The following PCED1B variants were observed in gnomAD, a reference collection of about 807,000 sequenced individuals.
PCED1B encodes PC-esterase domain-containing protein 1B.
For synonymous variants in PCED1B, 251 were observed against 246.1 expected (o/e 1.02, Z -0.19); for missense variants, 573 against 573.9 (o/e 1.00, Z 0.02).
At chr12:47,129,102 C>T (rs1940012721) in intron 2 of PCED1B, among the ~76,000 whole-genome samples, 1 of 152,156 alleles carries the variant, frequency 6.6e-6, no homozygotes, top group Non-Finnish European at 1.5e-5. Flanking sequence ...ATTCTCTTTG[C>T]CTACCAGCCT....
chr12:47,143,672 C>T (rs1048077962), intron 2 of PCED1B, among the ~76,000 whole-genome samples: 2 of 152,250 alleles, frequency 1.3e-5, no homozygotes, highest in East Asian at 1.9e-4. Flanking sequence ...AAGCTACAAG[C>T]TCAGTGTAAT....
intron 2 of PCED1B, among the ~76,000 whole-genome samples, chr12:47,116,397 A>G (rs1939421624): frequency 6.6e-6 from 1 of 152,214 alleles, no homozygotes; most frequent in South Asian, 2.1e-4. Context: ...GAAAGGTGAC[A>G]TTTTTATTAT....
chr12:47,130,181 T>G (rs1027229978), intron 2 of PCED1B, among the ~76,000 whole-genome samples: 3 of 152,218 alleles, frequency 2.0e-5, no homozygotes, highest in African/African-American at 7.2e-5. Context: ...GTGGTAAGGC[T>G]TTATTTTAAA....
At chr12:47,093,885 A>G (rs967220142) in intron 1 of PCED1B, among the ~76,000 whole-genome samples, 39 of 152,208 alleles carry the variant, frequency 2.6e-4, no homozygotes, top group African/African-American at 8.7e-4. Context: ...GTATACTTGA[A>G]GTGAATATGA....
At chr12:47,139,731 T>A (rs897923977) in intron 2 of PCED1B, among the ~76,000 whole-genome samples, 4 of 152,124 alleles carry the variant, frequency 2.6e-5, no homozygotes, top group African/African-American at 9.7e-5. Context: ...ATATGTGTGC[T>A]GTATGGTATT....
At chr12:47,160,233 G>A (rs1041266753) in intron 2 of PCED1B, among the ~76,000 whole-genome samples, 1 of 133,380 alleles carries the variant, frequency 7.5e-6, no homozygotes, top group African/African-American at 2.8e-5. Flanking sequence ...AGTCCAATTT[G>A]TTTATTTTGT....
chr12:47,088,821 T>C (rs1275946733), intron 1 of PCED1B, among the ~76,000 whole-genome samples: 2 of 152,212 alleles, frequency 1.3e-5, no homozygotes, highest in African/African-American at 2.4e-5. Flanking sequence ...AACATGACGA[T>C]TGTTCATATT....
chr12:47,215,731 G>A (rs546321505), intron 2 of PCED1B, among the ~76,000 whole-genome samples: 1 of 152,214 alleles, frequency 6.6e-6, no homozygotes, highest in South Asian at 2.1e-4. Flanking sequence ...CCATCAAGAC[G>A]TCAGTGGAGA....
At chr12:47,113,864 G>T (rs2137273861) in intron 2 of PCED1B, among the ~76,000 whole-genome samples, 1 of 151,940 alleles carries the variant, frequency 6.6e-6, no homozygotes, top group South Asian at 2.1e-4. Flanking sequence ...ACAAAAATTA[G>T]CTGGGTGTGG....
chr12:47,215,179 C>T (rs865867224), intron 2 of PCED1B, among the ~76,000 whole-genome samples: 30 of 151,346 alleles, frequency 2.0e-4, no homozygotes, highest in Admixed American at 8.6e-4. Context: ...TTCCTCTCCC[C>T]GAAATCATAT....
chr12:47,089,461 C>CATATATATATATATATATATATAT (rs1217283440), intron 1 of PCED1B, among the ~76,000 whole-genome samples: 14 of 63,394 alleles, frequency 2.2e-4, no homozygotes, highest in Admixed American at 5.3e-4. Flanking sequence ...AAAAAAAATA[C>CATATATATATATATATATATATAT]ATATATATAT....
chr12:47,115,888 A>C lies in PCED1B; in HGVS notation c.-526+11693A>C, dbSNP rs369083879. ...CTATGCCAGGCTCTGATCCAAAGAT[A>C]TTGTATGGATTGGTTTTTGGCATCT... is the stretch of plus-strand genomic sequence containing the variant. On this transcript the variant is annotated intron_variant, in intron 2 of 3. Coordinates refer to ENST00000546455, the MANE Select transcript of PCED1B (RefSeq NM_138371.3). 8.5e-5 allele frequency among the ~76,000 whole-genome samples: 13 copies of C among 152,200 alleles called. No individual in the cohort carries two copies. In the East Asian group the frequency reaches 1.5e-3, roughly 18 times the overall value.
intron 1 of PCED1B, among the ~76,000 whole-genome samples, chr12:47,103,739 C>T (rs375779559): frequency 2.6e-5 from 4 of 152,118 alleles, no homozygotes; most frequent in South Asian, 2.1e-4. Context: ...TCTGTCTTCC[C>T]GGCAAGCCAC....
At chr12:47,116,437 G>A (rs10881045) in intron 2 of PCED1B, among the ~76,000 whole-genome samples, 36,195 of 151,870 alleles carry the variant, frequency 0.24, 4,972 homozygotes, top group Non-Finnish European at 0.31. Flanking sequence ...TTTTTGATCT[G>A]CTGAAAAAAA....
intron 2 of PCED1B, among the ~76,000 whole-genome samples, chr12:47,117,468 A>G (rs1043244010): frequency 7.2e-5 from 11 of 152,026 alleles, no homozygotes; most frequent in Non-Finnish European, 1.5e-5. Context: ...TGTCCATGCG[A>G]CAGTTTGCTC....
intron 2 of PCED1B, among the ~76,000 whole-genome samples, chr12:47,158,442 T>C (rs1941265710): frequency 6.6e-6 from 1 of 152,216 alleles, no homozygotes. Flanking sequence ...TTACTGGCCA[T>C]TTGCATATTT....
chr12:47,086,709 C>G (rs1938004340), intron 1 of PCED1B, among the ~76,000 whole-genome samples: 1 of 152,104 alleles, frequency 6.6e-6, no homozygotes, highest in African/African-American at 2.4e-5. Flanking sequence ...TTTTATTTTG[C>G]TCATTGTTAG....
chr12:47,170,230 C>G (rs1456823410), intron 2 of PCED1B, among the ~76,000 whole-genome samples: 2 of 152,142 alleles, frequency 1.3e-5, no homozygotes, highest in African/African-American at 2.4e-5. Flanking sequence ...TATAGATTAA[C>G]AGCATCCCAA....
intron 2 of PCED1B, among the ~76,000 whole-genome samples, chr12:47,169,965 A>G (rs1941671814): frequency 6.9e-6 from 1 of 144,828 alleles, no homozygotes; most frequent in South Asian, 2.2e-4. Flanking sequence ...GCAAGGTCAT[A>G]GGACAATAGT....
Sources: gnomAD v4.1 joint callset for allele counts (sites outside exome capture counted in the v4.1 genomes callset) on GRCh38, gnomAD v4.1.1 for gene constraint, MANE v1.5 for transcripts, NCBI Gene and HGNC (gene_info 2026-07-23, HGNC 2026-07-21) for gene names.